ABCB4: variants seen among roughly 807,000 people sequenced by gnomAD.
ABCB4 encodes ATP binding cassette subfamily B member 4, also known as phosphatidylcholine translocator ABCB4.
ABCB4 carries 76 observed loss-of-function variants against 145.7 expected under a neutral mutation model. That is an observed-to-expected ratio of 0.52 (90% confidence interval 0.43 to 0.63). The LOEUF is 0.63. ABCB4 is among the 30% of genes least tolerant of loss of function. The pLI, the probability that ABCB4 is intolerant of heterozygous loss-of-function variation, is 0.00. For synonymous variants in ABCB4, 517 were observed against 566.8 expected, an observed-to-expected ratio of 0.91 and a Z score of 1.25; for missense variants, 1,234 against 1,553.1, an observed-to-expected ratio of 0.79 and a Z score of 3.45.
At chr7:87,461,686 G>A (rs1172687508) in intron 4 of ABCB4, among the ~76,000 whole-genome samples, 1 of 152,036 alleles carries the variant, frequency 6.6e-6, no homozygotes, top group Non-Finnish European at 1.5e-5. Context: ...ACTTTTATAG[G>A]AGTTTGCTTT....
chr7:87,393,665 T>C, the ABCB4 span, among the ~76,000 whole-genome samples: 138,353 of 152,204 alleles, frequency 0.91, 63,149 homozygotes, highest in African/African-American at 0.97. Flanking sequence ...TTACAGGGGC[T>C]TTTCAAAGCA....
At chr7:87,439,341 C>T (rs1274508723) in intron 14 of ABCB4, among the ~76,000 whole-genome samples, 1 of 152,050 alleles carries the variant, frequency 6.6e-6, no homozygotes. Context: ...TCTGGGTAAC[C>T]GGATTTAAAA....
chr7:87,375,163 A>T, the ABCB4 span: 3 of 153,002 alleles, frequency 2.0e-5, no homozygotes, highest in Non-Finnish European at 2.9e-5. Context: ...TGGTATTTCT[A>T]TTTTTTTTTG....
chr7:87,427,767 T>C (rs974378965), intron 15 of ABCB4, among the ~76,000 whole-genome samples: 11 of 152,182 alleles, frequency 7.2e-5, no homozygotes, highest in African/African-American at 2.7e-4. Context: ...AGTTTTCCAG[T>C]TGCTCATTCA....
chr7:87,401,899 C>T lies in ABCB4; in HGVS notation c.*197G>A. On this transcript the variant is annotated 3_prime_UTR_variant, in exon 28 of 28. Transcript: ENST00000649586. ...GGAGAGCTAGCCTGTTGTTTCAATA[C>T]TTCATCAAGACAGGTGTCACTTCTA... The T allele has an allele frequency of 1.3e-6, 1 of 753,790 alleles. No homozygotes were observed. Among genetic ancestry groups the T allele is most frequent in the South Asian group, 1.5e-5 (1 of 67,846 alleles). 46.7% of individuals were successfully genotyped at this position (753,790 alleles called of 1,614,324 possible).
chr7:87,402,382 A>G, intron 27 of ABCB4, 80 bp from the exon 28 acceptor site: 1 of 1,519,992 alleles, frequency 6.6e-7, no homozygotes, highest in Non-Finnish European at 9.0e-7. Flanking sequence ...TGAAAATGTT[A>G]CCTTTCTAAT....
At chr7:87,384,101 T>G in the ABCB4 span, among the ~76,000 whole-genome samples, 3 of 152,324 alleles carry the variant, frequency 2.0e-5, no homozygotes, top group East Asian at 3.9e-4. Context: ...CCTATCTTTT[T>G]GATAAAAGTG....
At chr7:87,366,097 C>T in the ABCB4 span, among the ~76,000 whole-genome samples, 34 of 152,276 alleles carry the variant, frequency 2.2e-4, no homozygotes, top group African/African-American at 7.9e-4. Context: ...TCTACCCTCA[C>T]GACTTCCCCA....
intron 3 of ABCB4, among the ~76,000 whole-genome samples, chr7:87,471,399 T>C (rs940920008): frequency 2.0e-5 from 3 of 151,954 alleles, no homozygotes; most frequent in African/African-American, 7.3e-5. Flanking sequence ...AAAAAAAAAC[T>C]TCTAAAAAAA....
At chr7:87,448,286 A>G (rs1222041287) in intron 8 of ABCB4, among the ~76,000 whole-genome samples, 3 of 151,994 alleles carry the variant, frequency 2.0e-5, no homozygotes, top group Non-Finnish European at 4.4e-5. Flanking sequence ...TGTGACAAAA[A>G]AAAACAAAAA....
chr7:87,370,891 T>C, the ABCB4 span, among the ~76,000 whole-genome samples: 1 of 152,242 alleles, frequency 6.6e-6, no homozygotes, highest in East Asian at 1.9e-4. Flanking sequence ...TCAGCTTCAA[T>C]AGATAATGCC....
chr7:87,368,566 T>C, the ABCB4 span, among the ~76,000 whole-genome samples: 2 of 152,298 alleles, frequency 1.3e-5, no homozygotes, highest in African/African-American at 2.4e-5. Context: ...TTCCTCATAG[T>C]TGATGAAAAG....
chr7:87,426,547 T>C (rs184766225), intron 16 of ABCB4, among the ~76,000 whole-genome samples: 4 of 152,026 alleles, frequency 2.6e-5, no homozygotes, highest in Admixed American at 6.6e-5. Flanking sequence ...GGATTTTTTT[T>C]CCCTTGAAAA....
intron 26 of ABCB4, chr7:87,405,904 CAGAAACT>C: frequency 3.3e-6 from 1 of 300,554 alleles, no homozygotes; most frequent in Non-Finnish European, 6.4e-6. Flanking sequence ...TTGTCATTGG[CAGAAACT>C]AGGTAAAGGG....
At chr7:87,392,757 TACTC>T in the ABCB4 span, 1 of 1,613,778 alleles carries the variant, frequency 6.2e-7, no homozygotes, top group Non-Finnish European at 8.5e-7. Flanking sequence ...TTAGGTCTCT[TACTC>T]ATAGCAAAAG....
In ABCB4 at chr7:87,402,083, C is replaced by G. The variant is rs45529032; in HGVS notation, c.*13G>C. 5 of 1,613,796 alleles carry G rather than the reference C, an allele frequency of 3.1e-6. No individual in the cohort carries two copies. In the African/African-American group the frequency reaches 4.0e-5, roughly 13 times the overall value. On this transcript the variant is annotated 3_prime_UTR_variant, in exon 28 of 28. Coordinates refer to ENST00000649586, the MANE Select transcript of ABCB4 (RefSeq NM_000443.4). ...AATTTGAATTTATTTTTAAAATATACTGTAGCAAAAGTTCATAAGTTCTGT... is the reference window on the plus strand; with the variant it reads ...AATTTGAATTTATTTTTAAAATATAGTGTAGCAAAAGTTCATAAGTTCTGT...
chr7:87,418,551 C>T lies in ABCB4; in HGVS notation c.2464G>A (p.Ala822Thr), dbSNP rs1326329522. ...ALSTRLATDA[A>T]QVQGATGTRL... is the part of the protein sequence containing the mutation. ...AGTCTACCTACTCCTTGGACTTGGG[C>T]AGCATCTGTGGCAAGTCTTGTAGAA... is the stretch of plus-strand genomic sequence containing the variant. The change falls in exon 20 of 28, where the codon GCC becomes ACC. Residue 822 changes from alanine to threonine, a missense_variant. Physicochemically the swap from Ala to Thr is moderately conservative, Grantham distance 58. Transcript: ENST00000649586. 6.2e-7 allele frequency: 1 copy of T among 1,613,966 alleles called. No individual in the cohort carries two copies.
intron 26 of ABCB4, among the ~76,000 whole-genome samples, chr7:87,405,727 T>A (rs978502234): frequency 2.0e-5 from 3 of 152,154 alleles, no homozygotes; most frequent in African/African-American, 7.2e-5. Flanking sequence ...GCCTGGCCAG[T>A]GTTCTTAATT....
the ABCB4 span, chr7:87,393,089 C>A: frequency 6.2e-7 from 1 of 1,609,288 alleles, no homozygotes; most frequent in Non-Finnish European, 8.5e-7. Flanking sequence ...CTTTTTTATT[C>A]TTTCTGTGCT....
Sources: allele counts gnomAD v4.1 joint callset (sites outside exome capture counted in the v4.1 genomes callset), GRCh38; gene constraint gnomAD v4.1.1; transcripts MANE v1.5; gene names NCBI Gene and HGNC (gene_info 2026-07-23, HGNC 2026-07-21).